The following RAD52 variants were observed in gnomAD, a reference collection of about 807,000 sequenced individuals.
RAD52 encodes RAD52 DNA repair protein.
A neutral mutation model predicts 55.5 loss-of-function variants in RAD52; 47 were observed. The observed-to-expected ratio is 0.85, with a 90% confidence interval of 0.67 to 1.08. The LOEUF is 1.08. Ranked by LOEUF, RAD52 falls within the 50% of genes least tolerant of loss-of-function variation. The pLI is 0.00. For missense variants in RAD52, 468 were observed against 522.8 expected, an observed-to-expected ratio of 0.90 and a Z score of 1.02; for synonymous variants, 184 against 198.9, an observed-to-expected ratio of 0.92 and a Z score of 0.63.
chr12:988,189 T>G (rs139713825), intron 1 of RAD52, among the ~76,000 whole-genome samples: 323 of 152,336 alleles, frequency 2.1e-3, no homozygotes, highest in Non-Finnish European at 3.7e-3. Context: ...TGCCCAGGCT[T>G]CTTCTATTTT....
At chr12:925,106 T>C (rs918976898) in intron 7 of RAD52, among the ~76,000 whole-genome samples, 8 of 151,752 alleles carry the variant, frequency 5.3e-5, no homozygotes, top group African/African-American at 1.9e-4. Context: ...GCCCACCACC[T>C]CGCCCGGCTA....
intron 1 of RAD52, among the ~76,000 whole-genome samples, chr12:981,771 T>TAAATAAATAAAATA (rs1555184010): frequency 2.1e-5 from 3 of 139,618 alleles, no homozygotes; most frequent in African/African-American, 7.9e-5. Flanking sequence ...AATAAATAAA[T>TAAATAAATAAAATA]AAATAAAATA....
At chr12:966,749 G>A (rs1289851918) in intron 1 of RAD52, among the ~76,000 whole-genome samples, 1 of 151,984 alleles carries the variant, frequency 6.6e-6, no homozygotes, top group Middle Eastern at 3.2e-3. Flanking sequence ...TCTGTCCTAG[G>A]AGCTCAAATA....
chr12:942,052 C>G (rs1957949038), intron 1 of RAD52, among the ~76,000 whole-genome samples: 1 of 152,174 alleles, frequency 6.6e-6, no homozygotes, highest in Non-Finnish European at 1.5e-5. Context: ...AGATTCAATG[C>G]AATCCCAATC....
Position 965,204 on chromosome 12 carries a change from T to A in RAD52, c.-19+24605A>T, listed in dbSNP as rs188754463. Among the ~76,000 whole-genome samples, 421 of 152,110 alleles carry A rather than the reference T, an allele frequency of 2.8e-3. 8 individuals are homozygous for A. The highest frequency in any genetic ancestry group is 9.9e-3 in the African/African-American group (412 of 41,410). On this transcript the variant is annotated intron_variant, in intron 1 of 11. Coordinates refer to the RAD52 transcript ENST00000430095. ...CATGTTGGCCAGGTTGGTCTTGATC[T>A]CCTGACTTGGTGATCCGCCCACCTC...
At chr12:979,849 C>T (rs1313108174) in intron 1 of RAD52, among the ~76,000 whole-genome samples, 1 of 152,126 alleles carries the variant, frequency 6.6e-6, no homozygotes, top group Non-Finnish European at 1.5e-5. Context: ...AGATCGAGAC[C>T]ATCCTGGCTA....
chr12:914,592 G>A, intron 9 of RAD52, 60 bp from the exon 10 acceptor site: 3 of 1,600,014 alleles, frequency 1.9e-6, no homozygotes, highest in Non-Finnish European at 2.6e-6. Context: ...TGGGATTTCA[G>A]AGCGTGGGTC....
At chr12:930,977 T>TA (rs11397921) in intron 3 of RAD52, among the ~76,000 whole-genome samples, 40,102 of 141,674 alleles carry the variant, frequency 0.28, 5,645 homozygotes, top group East Asian at 0.37. Flanking sequence ...TCTTTAAAAA[T>TA]AAAAAAAAAA....
At chr12:952,876 G>T (rs1024139237), upstream of RAD52, among the ~76,000 whole-genome samples, 2 of 106,186 alleles carry the variant, frequency 1.9e-5, no homozygotes, top group East Asian at 5.8e-4. Flanking sequence ...TGGGCGACAA[G>T]AACAAAACTC....
At chr12:929,157 C>T (rs1037827149) in intron 5 of RAD52, among the ~76,000 whole-genome samples, 4 of 152,040 alleles carry the variant, frequency 2.6e-5, no homozygotes, top group Admixed American at 2.6e-4. Context: ...TGAGCCACCC[C>T]GCCTAGCCAA....
At chr12:949,870 A>T (rs942289426), upstream of RAD52, 1 of 152,244 alleles carries the variant, frequency 6.6e-6, no homozygotes, top group East Asian at 1.9e-4. Flanking sequence ...GCTGGCTTTT[A>T]CGTTCTGAGC....
At chr12:973,150 A>G (rs1264700340) in intron 1 of RAD52, among the ~76,000 whole-genome samples, 1 of 151,952 alleles carries the variant, frequency 6.6e-6, no homozygotes, top group East Asian at 1.9e-4. Flanking sequence ...GCTCACTGCA[A>G]GCTCCCCCTC....
rs778385100 is a variant in RAD52 at position 927,242 on chromosome 12, C to A, written c.370G>T (p.Val124Phe). Reference sequence around the variant, plus strand: ...AGGCCCTCACTAACACCATAACCAACATCTTCATGATATGAACCATCCTGG... The same window carrying A: ...AGGCCCTCACTAACACCATAACCAAAATCTTCATGATATGAACCATCCTGG... ...QLKDGSYHED[V>F]GYGVSEGLKS... is the part of the protein sequence containing the mutation. The change falls in exon 6 of 12, where the codon GTT becomes TTT. Residue 124 changes from valine (V) to phenylalanine (F), a missense_variant. Coordinates refer to ENST00000358495, the MANE Select transcript of RAD52 (RefSeq NM_134424.4). 1.2e-6 allele frequency: 2 copies of A among 1,614,000 alleles called. No individual in the cohort carries two copies. The highest frequency in any genetic ancestry group is 1.1e-5 in the South Asian group (1 of 91,078).
chr12:919,523 A>G (rs530306512), intron 7 of RAD52, among the ~76,000 whole-genome samples: 1 of 152,106 alleles, frequency 6.6e-6, no homozygotes, highest in East Asian at 1.9e-4. Flanking sequence ...AGGCAGGTGG[A>G]TTGATCACTT....
chr12:977,039 T>A (rs1958943278), intron 1 of RAD52: 1 of 152,480 alleles, frequency 6.6e-6, no homozygotes. Context: ...CAGTCCTCGA[T>A]CCTTGTCTTC....
In RAD52 at chr12:941,131, A is replaced by T. The variant is rs568680470; in HGVS notation, c.-18-8055T>A. 3.2e-4 allele frequency among the ~76,000 whole-genome samples: 49 copies of T among 152,318 alleles called. 1 individual carries two copies. Among genetic ancestry groups the T allele is most frequent in the African/African-American group, 1.1e-3 (46 of 41,578 alleles). On this transcript the variant is annotated intron_variant, in intron 1 of 11. Coordinates refer to ENST00000358495, the MANE Select transcript of RAD52 (RefSeq NM_134424.4). ...TGACACCTAGATACACCACAGACAA[A>T]CTGCTAAAAAACAAAAATAAAGAGA...
chr12:929,578 C>A (rs957870887), intron 5 of RAD52: 4 of 716,848 alleles, frequency 5.6e-6, no homozygotes, highest in Non-Finnish European at 1.0e-5. Context: ...TCCTTTGCAA[C>A]AATTTTTATA....
intron 1 of RAD52, among the ~76,000 whole-genome samples, chr12:978,796 C>T (rs1958969735): frequency 2.0e-5 from 3 of 151,944 alleles, no homozygotes; most frequent in Admixed American, 2.0e-4. Context: ...TGCTTGAACC[C>T]AGGAGGCAGA....
In RAD52 at chr12:965,693, GT is replaced by G. The variant is rs904777962; in HGVS notation, c.-19+24115del. Among the ~76,000 whole-genome samples, 230 of 150,144 alleles carry G rather than the reference GT, an allele frequency of 1.5e-3. 2 individuals carry two copies. Among genetic ancestry groups the G allele is most frequent in the African/African-American group, 4.8e-3 (196 of 40,640 alleles). ...TTTGTAGTTGTTGTTTGTTTGCTTG[GT>G]TTTTTTTTCAAGACAGAGTCTCACT... On this transcript the variant is annotated intron_variant, in intron 1 of 11. Coordinates refer to the RAD52 transcript ENST00000430095.
Sources: gnomAD v4.1 joint callset for allele counts (sites outside exome capture counted in the v4.1 genomes callset) on GRCh38, gnomAD v4.1.1 for gene constraint, MANE v1.5 for transcripts, NCBI Gene and HGNC (gene_info 2026-07-23, HGNC 2026-07-21) for gene names.